The following THSD4 variants were observed in gnomAD, a reference collection of about 807,000 sequenced individuals.
The protein encoded by THSD4 is thrombospondin type-1 domain-containing protein 4.
THSD4 carries 69 observed loss-of-function variants against 119.0 expected under a neutral mutation model. The ratio of observed to expected loss-of-function variants is 0.58; its 90% confidence interval spans 0.48 to 0.71. The LOEUF is 0.71. Among genes scored for constraint, THSD4 ranks in the 30% least tolerant of loss-of-function variants. THSD4 has a pLI of 0.00. For missense variants in THSD4, 1,393 were observed against 1,391.1 expected, an observed-to-expected ratio of 1.00 and a Z score of -0.02; for synonymous variants, 524 against 540.4, an observed-to-expected ratio of 0.97 and a Z score of 0.42.
At chr15:71,524,587 CTTTTTT>C (rs71438517) in intron 7 of THSD4, among the ~76,000 whole-genome samples, 8 of 59,520 alleles carry the variant, frequency 1.3e-4, no homozygotes, top group African/African-American at 4.6e-4. Flanking sequence ...GTTTATGCCT[CTTTTTT>C]TTTTTTTTTT....
intron 4 of THSD4, among the ~76,000 whole-genome samples, chr15:71,218,844 G>A (rs981743701): frequency 1.3e-5 from 2 of 152,170 alleles, no homozygotes; most frequent in Non-Finnish European, 2.9e-5. Flanking sequence ...TAGGCAACAG[G>A]AAACTTCATT....
At chr15:71,745,345 A>G (rs1355686422) in intron 12 of THSD4, 110 bp downstream of exon 12, 2 of 1,413,114 alleles carry the variant, frequency 1.4e-6, no homozygotes, top group African/African-American at 1.4e-5. Context: ...TTAGAAATAC[A>G]AGACTTGGAC....
Position 71,690,180 on chromosome 15 carries a change from G to T in THSD4, c.1357+29446G>T, listed in dbSNP as rs145123273. Reference sequence around the variant, plus strand: ...CCTTGCCTTTGGCTCTGGCCCTGGAGTTGTATTGAGGTTTTGTGATTAATG... The same window carrying T: ...CCTTGCCTTTGGCTCTGGCCCTGGATTTGTATTGAGGTTTTGTGATTAATG... On this transcript the variant is annotated intron_variant, in intron 8 of 17. Coordinates refer to ENST00000261862, the MANE Select transcript of THSD4 (RefSeq NM_024817.3). 2.0e-5 allele frequency among the ~76,000 whole-genome samples: 3 copies of T among 152,320 alleles called. No individual in the cohort carries two copies. In the East Asian group the frequency reaches 5.8e-4, roughly 29 times the overall value.
intron 8 of THSD4, among the ~76,000 whole-genome samples, chr15:71,708,015 A>G (rs985212756): frequency 6.6e-6 from 1 of 152,124 alleles, no homozygotes; most frequent in Non-Finnish European, 1.5e-5. Flanking sequence ...TTTTAGGACT[A>G]TATTGTTTTT....
chr15:71,638,638 A>G (rs1226544044), intron 7 of THSD4, among the ~76,000 whole-genome samples: 2 of 152,154 alleles, frequency 1.3e-5, no homozygotes, highest in Non-Finnish European at 2.9e-5. Flanking sequence ...GCAACAGTAC[A>G]CTCTTATTCA....
At chr15:71,524,339 T>C (rs1181410968) in intron 7 of THSD4, among the ~76,000 whole-genome samples, 1 of 152,094 alleles carries the variant, frequency 6.6e-6, no homozygotes, top group Non-Finnish European at 1.5e-5. Context: ...TGTCCTGTGG[T>C]TTGGTTTCTT....
At chr15:71,722,483 T>C (rs2141115159) in intron 8 of THSD4, among the ~76,000 whole-genome samples, 1 of 152,326 alleles carries the variant, frequency 6.6e-6, no homozygotes, top group Admixed American at 6.5e-5. Flanking sequence ...TAATGGACTT[T>C]TTAGTTACCA....
intron 2 of THSD4, among the ~76,000 whole-genome samples, chr15:71,154,575 G>A (rs898259442): frequency 1.3e-5 from 2 of 152,178 alleles, no homozygotes; most frequent in Admixed American, 1.3e-4. Context: ...GTTTTTCAGG[G>A]GAGGAGACTG....
chr15:71,309,620 T>A (rs192446743), intron 6 of THSD4, among the ~76,000 whole-genome samples: 1 of 152,214 alleles, frequency 6.6e-6, no homozygotes, highest in African/African-American at 2.4e-5. Flanking sequence ...CTGAGATTTA[T>A]AGTTTTAGAT....
At chr15:71,293,631 C>T (rs181051813) in intron 6 of THSD4, among the ~76,000 whole-genome samples, 81 of 152,282 alleles carry the variant, frequency 5.3e-4, no homozygotes, top group African/African-American at 1.9e-3. Flanking sequence ...AAGTTTCCTC[C>T]ACAGTGGATA....
At chr15:71,337,655 C>T (rs919736155) in intron 6 of THSD4, among the ~76,000 whole-genome samples, 1 of 152,136 alleles carries the variant, frequency 6.6e-6, no homozygotes, top group Non-Finnish European at 1.5e-5. Flanking sequence ...GGGAGGTTCT[C>T]AAGAACTTGG....
chr15:71,625,619 G>A (rs2050494226), intron 7 of THSD4, among the ~76,000 whole-genome samples: 1 of 152,210 alleles, frequency 6.6e-6, no homozygotes, highest in African/African-American at 2.4e-5. Flanking sequence ...AGATGAAAGT[G>A]GTCCTTGTGT....
At chr15:71,430,002 TG>T (rs773985554) in intron 7 of THSD4, among the ~76,000 whole-genome samples, 4 of 152,144 alleles carry the variant, frequency 2.6e-5, no homozygotes, top group Non-Finnish European at 5.9e-5. Flanking sequence ...TTTAGAGTCA[TG>T]GGGGCAGTCA....
intron 8 of THSD4, among the ~76,000 whole-genome samples, chr15:71,720,570 G>T (rs753580818): frequency 2.6e-5 from 4 of 152,214 alleles, no homozygotes; most frequent in Non-Finnish European, 5.9e-5. Flanking sequence ...CTAAATTTCA[G>T]TTGGAGGTTA....
intron 4 of THSD4, among the ~76,000 whole-genome samples, chr15:71,237,181 G>A (rs2044112655): frequency 6.6e-6 from 1 of 152,128 alleles, no homozygotes; most frequent in African/African-American, 2.4e-5. Flanking sequence ...GTGGGTGGAA[G>A]AGCCAGCCGT....
At chr15:71,148,494 CAG>C (rs1567138243) in intron 2 of THSD4, among the ~76,000 whole-genome samples, 1 of 150,878 alleles carries the variant, frequency 6.6e-6, no homozygotes, top group African/African-American at 2.5e-5. Context: ...TGTAAGAAAA[CAG>C]AGAAAATAAA....
At chr15:71,553,326 CT>C (rs11288031) in intron 7 of THSD4, among the ~76,000 whole-genome samples, 82,366 of 133,296 alleles carry the variant, frequency 0.62, 24,601 homozygotes, top group African/African-American at 0.71. Context: ...TTCTACTAGA[CT>C]TTTTTTTTTT....
chr15:71,627,484 C>T (rs1454225988), intron 7 of THSD4, among the ~76,000 whole-genome samples: 2 of 152,070 alleles, frequency 1.3e-5, no homozygotes, highest in Non-Finnish European at 2.9e-5. Context: ...AATGGCAGCC[C>T]CTTCACTAGA....
intron 4 of THSD4, among the ~76,000 whole-genome samples, chr15:71,221,317 A>C (rs2043974318): frequency 6.6e-6 from 1 of 152,220 alleles, no homozygotes; most frequent in Non-Finnish European, 1.5e-5. Flanking sequence ...ATTTTTAAGC[A>C]TATGGTTCAG....
Sources: allele counts gnomAD v4.1 joint callset (sites outside exome capture counted in the v4.1 genomes callset), GRCh38; gene constraint gnomAD v4.1.1; transcripts MANE v1.5; gene names NCBI Gene and HGNC (gene_info 2026-07-23, HGNC 2026-07-21).